The following MAD2L2 variants were observed in gnomAD, a reference collection of about 807,000 sequenced individuals.
The protein encoded by MAD2L2 is mitotic spindle assembly checkpoint protein MAD2B.
MAD2L2 carries 17 observed loss-of-function variants against 30.5 expected under a neutral mutation model. That is an observed-to-expected ratio of 0.56 (90% CI 0.38 to 0.84). The LOEUF (loss-of-function observed/expected upper bound fraction) is 0.84, where lower values mean the gene tolerates loss of function less well. MAD2L2 is among the 40% of genes least tolerant of loss of function. The probability of loss-of-function intolerance (pLI) is 0.00; values close to 1 mark genes in which losing one functional copy is unlikely to be tolerated. For missense variants in MAD2L2, 213 were observed against 277.4 expected (o/e 0.77, Z 1.65); for synonymous variants, 101 against 113.9 (o/e 0.89, Z 0.72).
upstream of MAD2L2, chr1:11,681,328 A>C (rs930313343): frequency 6.6e-6 from 1 of 152,184 alleles, no homozygotes; most frequent in Non-Finnish European, 1.5e-5. Flanking sequence ...ACCTCCCTTC[A>C]ACTTCGGGTG....
At chr1:11,680,868 C>T in intron 1 of MAD2L2, 171 bp downstream of exon 1, 4 of 1,048,194 alleles carry the variant, frequency 3.8e-6, no homozygotes, top group Non-Finnish European at 4.9e-6. Context: ...CACAGCTGTG[C>T]CCCCGAAAAG....
chr1:11,676,773 C>T (rs1640776290), intron 5 of MAD2L2, 75 bp downstream of exon 5: 8 of 1,176,716 alleles, frequency 6.8e-6, no homozygotes, highest in East Asian at 4.7e-5. Flanking sequence ...ATTCAAGGGC[C>T]GCCTTAAAGG....
chr1:11,689,799 G>A (rs1395011319), intron 1 of MAD2L2, among the ~76,000 whole-genome samples: 1 of 152,004 alleles, frequency 6.6e-6, no homozygotes, highest in East Asian at 1.9e-4. Context: ...TCTTGTGCGA[G>A]ATCCAAGAAC....
At chr1:11,675,557 A>T in intron 7 of MAD2L2, 101 bp downstream of exon 7, 1 of 1,155,908 alleles carries the variant, frequency 8.7e-7, no homozygotes, top group Middle Eastern at 2.0e-4. Flanking sequence ...TGCCACACCA[A>T]TGTAATGGGT....
chr1:11,680,702 T>G, intron 1 of MAD2L2, 89 bp from the exon 2 acceptor site: 1 of 1,482,158 alleles, frequency 6.7e-7, no homozygotes, highest in East Asian at 2.4e-5. Context: ...CTCCCCACAG[T>G]CTGTGGGAAC....
At chr1:11,676,739 C>T in intron 5 of MAD2L2, 109 bp downstream of exon 5, 1 of 824,362 alleles carries the variant, frequency 1.2e-6, no homozygotes, top group East Asian at 2.6e-5. Flanking sequence ...CTTGCCCTTT[C>T]TCCTCCCAGG....
At chr1:11,683,212 C>A (rs1171209425), upstream of MAD2L2, among the ~76,000 whole-genome samples, 2 of 152,184 alleles carry the variant, frequency 1.3e-5, no homozygotes, top group Non-Finnish European at 2.9e-5. Context: ...GCCCTCCCTC[C>A]ATGAGCTCCC....
Position 11,676,958 on chromosome 1 carries a change from G to C in MAD2L2, c.232-10C>G, listed in dbSNP as rs929869265. On this transcript the variant is annotated splice_polypyrimidine_tract_variant and intron_variant, in intron 4 of 8. Coordinates refer to ENST00000376692, the MANE Select transcript of MAD2L2 (RefSeq NM_006341.4). ...CTTTCTCCACATCATTCTGCAAAGAGAGGAACCCCCACTGCAGAGCCAGGC... is the reference window on the plus strand; with the variant it reads ...CTTTCTCCACATCATTCTGCAAAGACAGGAACCCCCACTGCAGAGCCAGGC... 6 of 1,607,546 alleles carry C rather than the reference G, an allele frequency of 3.7e-6. No homozygotes were observed. Among genetic ancestry groups the C allele is most frequent in the Admixed American group, 3.3e-5 (2 of 59,980 alleles).
In MAD2L2 at chr1:11,680,515, C is replaced by G. The variant is rs571801171; in HGVS notation, c.41-44G>C. On this transcript the variant is annotated intron_variant, in intron 2 of 8. Transcript: ENST00000376692. ...CGGTGGCGCGCTCGAGGAAGCCCGC[C>G]GGCCCAGACGCCCCCGCCCCCGGGC... 54 of 1,610,414 alleles carry G rather than the reference C, an allele frequency of 3.4e-5. No individual in the cohort carries two copies. In the South Asian group the frequency reaches 5.7e-4, roughly 17 times the overall value.
At chr1:11,675,838 G>T in intron 6 of MAD2L2, 107 bp from the exon 7 acceptor site, 1 of 1,023,074 alleles carries the variant, frequency 9.8e-7, no homozygotes, top group Non-Finnish European at 1.6e-6. Flanking sequence ...CCCCAGAGCA[G>T]ATGGCAAAGC....
At chr1:11,680,321 T>TA in intron 3 of MAD2L2, 32 bp downstream of exon 3, 1 of 1,569,994 alleles carries the variant, frequency 6.4e-7, no homozygotes, top group Non-Finnish European at 8.8e-7. Flanking sequence ...GTCCACCCTG[T>TA]ACCCACTCTG....
intron 3 of MAD2L2, among the ~76,000 whole-genome samples, chr1:11,679,952 C>G (rs1435572483): frequency 7.3e-6 from 1 of 137,080 alleles, no homozygotes; most frequent in African/African-American, 2.7e-5. Context: ...CAGGGCCCTG[C>G]GGAATGAGGT....
upstream of MAD2L2, among the ~76,000 whole-genome samples, chr1:11,685,145 T>G (rs1260271359): frequency 6.6e-6 from 1 of 151,924 alleles, no homozygotes; most frequent in African/African-American, 2.4e-5. Flanking sequence ...CCTAGGCTGG[T>G]CTCGAACTCC....
chr1:11,687,385 G>A lies in MAD2L2; in HGVS notation c.-692+4028C>T, dbSNP rs377602918. 9.9e-5 allele frequency among the ~76,000 whole-genome samples: 15 copies of A among 152,052 alleles called. No homozygotes were observed. The highest frequency in any genetic ancestry group is 3.1e-4 in the African/African-American group (13 of 41,396). On this transcript the variant is annotated intron_variant, in intron 1 of 10. Coordinates refer to the MAD2L2 transcript ENST00000235310. This position sits in a 1 kb window ranked among gnomAD's most constrained non-coding sequence, Gnocchi z 4.1. Reference sequence around the variant, plus strand: ...CTCCCGAGTAGCTGGGACTACAGGCGACCTCCATCACGCTTGGCTAATTTT... The same window carrying A: ...CTCCCGAGTAGCTGGGACTACAGGCAACCTCCATCACGCTTGGCTAATTTT...
chr1:11,683,396 A>G (rs568948474), upstream of MAD2L2, among the ~76,000 whole-genome samples: 2 of 152,330 alleles, frequency 1.3e-5, no homozygotes, highest in East Asian at 3.9e-4. Flanking sequence ...CCTGTCAACT[A>G]GAAACCTGTG....
rs2100720529 is a variant in MAD2L2 at position 11,687,697 on chromosome 1, T to G, written c.-692+3716A>C. 6.6e-6 allele frequency among the ~76,000 whole-genome samples: 1 copy of G among 152,352 alleles called. No homozygotes were observed. Among genetic ancestry groups the G allele is most frequent in the East Asian group, 1.9e-4 (1 of 5,192 alleles). On this transcript the variant is annotated intron_variant, in intron 1 of 10. Coordinates refer to the MAD2L2 transcript ENST00000235310. This position sits in a 1 kb window ranked among gnomAD's most constrained non-coding sequence, Gnocchi z 4.1. ...GACCTGGACTTGCCAATACGGAACA[T>G]TCCATATAAAAGTAATTGTACAAAA...
intron 3 of MAD2L2, among the ~76,000 whole-genome samples, chr1:11,679,264 G>A (rs1640825254): frequency 6.6e-6 from 1 of 152,236 alleles, no homozygotes; most frequent in African/African-American, 2.4e-5. Context: ...CAATGGTGGT[G>A]TGGGGACTTG....
chr1:11,676,675 T>C, intron 5 of MAD2L2, 173 bp downstream of exon 5: 1 of 627,268 alleles, frequency 1.6e-6, no homozygotes. Flanking sequence ...TCATGTCATC[T>C]CTCTGGACCC....
chr1:11,675,957 A>G (rs1319807057), intron 6 of MAD2L2, 89 bp downstream of exon 6: 1 of 1,148,964 alleles, frequency 8.7e-7, no homozygotes, highest in Non-Finnish European at 1.3e-6. Context: ...GATGAGTCTC[A>G]GAACAGCCAA....
Sources: gnomAD v4.1 joint callset for allele counts (sites outside exome capture counted in the v4.1 genomes callset) on GRCh38, gnomAD v4.1.1 for gene constraint, Gnocchi (gnomAD v3.1) non-coding constraint, MANE v1.5 for transcripts, NCBI Gene and HGNC (gene_info 2026-07-23, HGNC 2026-07-21) for gene names.